The following RSU1 variants were observed in gnomAD, a reference collection of about 807,000 sequenced individuals.
The protein encoded by RSU1 is Ras suppressor protein 1, also known as rsu-1.
Under a neutral mutation model 31.1 loss-of-function variants are expected in RSU1, and 26 were observed. The ratio of observed to expected loss-of-function variants is 0.84; its 90% CI spans 0.61 to 1.16. The LOEUF (loss-of-function observed/expected upper bound fraction) is 1.16. RSU1 is among the 50% of genes most tolerant of loss of function. RSU1 has a pLI of 0.00. For missense variants in RSU1, 320 were observed against 339.1 expected, an observed-to-expected ratio of 0.94 and a Z score of 0.44; for synonymous variants, 164 against 136.3, an observed-to-expected ratio of 1.20 and a Z score of -1.41.
intron 3 of RSU1, among the ~76,000 whole-genome samples, chr10:16,770,927 T>C (rs1219881868): frequency 4.0e-5 from 6 of 149,694 alleles, no homozygotes; most frequent in Admixed American, 2.0e-4. Flanking sequence ...CTGAGTAGTA[T>C]TGCTTCTAAA....
intron 8 of RSU1, among the ~76,000 whole-genome samples, chr10:16,596,832 C>T (rs762268995): frequency 5.3e-5 from 8 of 152,152 alleles, no homozygotes; most frequent in Non-Finnish European, 5.9e-5. Flanking sequence ...AAGTGATTCT[C>T]GTGCCTCAGT....
chr10:16,632,433 C>T (rs1365590432), intron 8 of RSU1, among the ~76,000 whole-genome samples: 1 of 152,036 alleles, frequency 6.6e-6, no homozygotes, highest in East Asian at 1.9e-4. Context: ...ATAAGTTGGA[C>T]GTGTCTTACA....
At chr10:16,732,790 A>T (rs1352518267) in intron 7 of RSU1, among the ~76,000 whole-genome samples, 74 of 152,216 alleles carry the variant, frequency 4.9e-4, no homozygotes, top group Admixed American at 4.8e-3. Flanking sequence ...TTAGAAACAG[A>T]ACTGGGTCAT....
chr10:16,594,516 G>A (rs1017096263), intron 8 of RSU1, among the ~76,000 whole-genome samples: 1 of 150,268 alleles, frequency 6.7e-6, no homozygotes, highest in African/African-American at 2.5e-5. Flanking sequence ...GGGCTCAAGC[G>A]ATCTCATGGC....
chr10:16,794,491 A>G (rs1016743815), intron 2 of RSU1, among the ~76,000 whole-genome samples: 1 of 152,138 alleles, frequency 6.6e-6, no homozygotes, highest in East Asian at 1.9e-4. Flanking sequence ...TAATTTTTCT[A>G]GCATAAACTA....
chr10:16,658,844 G>A (rs545211050), intron 8 of RSU1, among the ~76,000 whole-genome samples: 9 of 152,298 alleles, frequency 5.9e-5, no homozygotes, highest in African/African-American at 1.9e-4. Flanking sequence ...ATACATGTCT[G>A]CCTTGGTCTT....
chr10:16,640,922 G>A (rs1834429585), intron 8 of RSU1, among the ~76,000 whole-genome samples: 1 of 152,210 alleles, frequency 6.6e-6, no homozygotes, highest in Non-Finnish European at 1.5e-5. Context: ...TGCTGCGACT[G>A]AAAGAATGGA....
intron 8 of RSU1, among the ~76,000 whole-genome samples, chr10:16,662,974 T>TA (rs56281639): frequency 0.28 from 38,607 of 138,680 alleles, 5,101 homozygotes; most frequent in South Asian, 0.33. Flanking sequence ...CAGCAATCTT[T>TA]AAAAAAAAAA....
At chr10:16,761,793 T>C (rs1404695961) in intron 4 of RSU1, among the ~76,000 whole-genome samples, 3 of 152,020 alleles carry the variant, frequency 2.0e-5, no homozygotes, top group South Asian at 2.1e-4. Context: ...GAGGTGGAGC[T>C]TGCAGTGAGC....
chr10:16,738,625 G>T (rs187007507), intron 7 of RSU1, among the ~76,000 whole-genome samples: 1 of 151,948 alleles, frequency 6.6e-6, no homozygotes, highest in East Asian at 1.9e-4. Context: ...AATCAAAGGG[G>T]GGAAAAATGG....
intron 2 of RSU1, among the ~76,000 whole-genome samples, chr10:16,793,256 A>C (rs1837963743): frequency 6.6e-6 from 1 of 152,188 alleles, no homozygotes; most frequent in South Asian, 2.1e-4. Context: ...AAACACTTGA[A>C]ATTTTGAATA....
chr10:16,680,264 C>A (rs1434298128), intron 8 of RSU1, among the ~76,000 whole-genome samples: 1 of 152,010 alleles, frequency 6.6e-6, no homozygotes, highest in Non-Finnish European at 1.5e-5. Context: ...ACAGCAGACA[C>A]AGGCCTGTGT....
At chr10:16,632,636 T>C (rs1834271449) in intron 8 of RSU1, among the ~76,000 whole-genome samples, 1 of 152,084 alleles carries the variant, frequency 6.6e-6, no homozygotes, top group Admixed American at 6.5e-5. Context: ...CACAAACTCT[T>C]CTGTAAGAAC....
chr10:16,653,823 G>A (rs1834726693), intron 8 of RSU1, among the ~76,000 whole-genome samples: 1 of 152,054 alleles, frequency 6.6e-6, no homozygotes, highest in Non-Finnish European at 1.5e-5. Flanking sequence ...GAAAATTGGG[G>A]AGAGGGGAGA....
At chr10:16,739,618 T>G (rs1395913902) in intron 7 of RSU1, among the ~76,000 whole-genome samples, 1 of 151,496 alleles carries the variant, frequency 6.6e-6, no homozygotes, top group Admixed American at 6.6e-5. Context: ...CTACACATTT[T>G]CTTTCTTTCT....
At chr10:16,743,510 A>G (rs1400058849) in intron 7 of RSU1, among the ~76,000 whole-genome samples, 1 of 152,242 alleles carries the variant, frequency 6.6e-6, no homozygotes, top group East Asian at 1.9e-4. Context: ...CTGTAATTAT[A>G]TCTAGCTTAA....
At chr10:16,629,785 G>A (rs1271410460) in intron 8 of RSU1, among the ~76,000 whole-genome samples, 2 of 152,120 alleles carry the variant, frequency 1.3e-5, no homozygotes, top group Non-Finnish European at 2.9e-5. Flanking sequence ...TGGTTCACGT[G>A]TCTCTAAAGG....
At chr10:16,695,717 A>G (rs1321657975) in intron 7 of RSU1, among the ~76,000 whole-genome samples, 2 of 152,220 alleles carry the variant, frequency 1.3e-5, no homozygotes, top group Non-Finnish European at 2.9e-5. Flanking sequence ...TTTTAAAATC[A>G]TTCCTCATTT....
chr10:16,796,846 A>C (rs1408392875), intron 2 of RSU1, among the ~76,000 whole-genome samples: 2 of 152,198 alleles, frequency 1.3e-5, no homozygotes, highest in Non-Finnish European at 2.9e-5. Flanking sequence ...TAGGTTATAA[A>C]GTGTCCCCAC....
Sources: gnomAD v4.1 joint callset for allele counts (sites outside exome capture counted in the v4.1 genomes callset) on GRCh38, gnomAD v4.1.1 for gene constraint, MANE v1.5 for transcripts, NCBI Gene and HGNC (gene_info 2026-07-23, HGNC 2026-07-21) for gene names.